RAI1: variants seen among roughly 807,000 people sequenced by gnomAD.
RAI1 encodes the protein retinoic acid-induced protein 1.
A neutral mutation model predicts 123.8 loss-of-function variants in RAI1; 9 were observed. The observed-to-expected ratio is 0.07, with a 90% CI of 0.04 to 0.13. The LOEUF is 0.13. Ranked by LOEUF, RAI1 falls within the 10% of genes least tolerant of loss-of-function variation. The pLI is 1.00. For synonymous variants in RAI1, 1,231 were observed against 1,127.3 expected (o/e 1.09, Z -1.84); for missense variants, 2,256 against 2,545.8 (o/e 0.89, Z 2.45).
intron 2 of RAI1, chr17:17,782,308 C>T (rs1261438151): frequency 6.6e-6 from 1 of 152,094 alleles, no homozygotes; most frequent in Non-Finnish European, 1.5e-5. Flanking sequence ...TAAAAATAAC[C>T]CTCTCCGGCT....
intron 2 of RAI1, among the ~76,000 whole-genome samples, chr17:17,762,387 G>A (rs942255045): frequency 2.0e-5 from 3 of 152,074 alleles, no homozygotes; most frequent in Admixed American, 6.5e-5. Context: ...TGGTTGGAGT[G>A]TGCATGGGAG....
At chr17:17,739,203 G>C (rs78756542) in intron 2 of RAI1, among the ~76,000 whole-genome samples, 1 of 152,268 alleles carries the variant, frequency 6.6e-6, no homozygotes, top group East Asian at 1.9e-4. Context: ...GGAGATAGGA[G>C]CCAAGCTCTG....
intron 2 of RAI1, among the ~76,000 whole-genome samples, chr17:17,744,424 CA>C (rs1200929041): frequency 6.6e-6 from 1 of 152,186 alleles, no homozygotes; most frequent in African/African-American, 2.4e-5. Context: ...GGCAGTTTGT[CA>C]GGGGCAGCCT....
intron 2 of RAI1, among the ~76,000 whole-genome samples, chr17:17,758,068 G>A (rs891405872): frequency 1.3e-5 from 2 of 152,176 alleles, no homozygotes; most frequent in Non-Finnish European, 2.9e-5. Context: ...GGCTTAGAAC[G>A]TAAGGCATCA....
At position 17,801,196 on chromosome 17, in the gene RAI1, T is replaced by C; in HGVS notation, c.5566-2560T>C. On this transcript the variant is annotated intron_variant, in intron 3 of 5. Transcript: ENST00000353383. This position sits in a 1 kb window ranked among gnomAD's most constrained non-coding sequence, Gnocchi z 4.1. Reference sequence around the variant, plus strand: ...GCCTGCCCTTCCCCCAAAGCCATCATAGACCCCTACCTCCTATCCAGATGG... The same window carrying C: ...GCCTGCCCTTCCCCCAAAGCCATCACAGACCCCTACCTCCTATCCAGATGG... 6.6e-6 allele frequency among the ~76,000 whole-genome samples: 1 copy of C among 152,160 alleles called. No homozygotes were observed.
rs549200619 is a variant in RAI1 at position 17,793,674 on chromosome 17, G to A, written c.726G>A (p.Pro242=). 14 of 1,613,056 alleles carry A rather than the reference G, an allele frequency of 8.7e-6. No homozygotes were observed. Among genetic ancestry groups the A allele is most frequent in the South Asian group, 3.3e-5 (3 of 91,080 alleles). The part of the protein sequence containing the change: ...GAHSYKSCTA[P]TAQPHDRPLT... ...ACTCCTATAAGAGTTGCACAGCACC[G>A]ACTGCCCAGCCCCATGACAGGCCGC... The change falls in exon 3 of 6, where the codon CCG becomes CCA. Residue 242 remains proline (P), a synonymous_variant. Coordinates refer to ENST00000353383, the MANE Select transcript of RAI1 (RefSeq NM_030665.4).
intron 3 of RAI1, 90 bp downstream of exon 3, chr17:17,798,603 C>A: frequency 9.7e-6 from 15 of 1,551,778 alleles, no homozygotes; most frequent in Non-Finnish European, 1.3e-5. Flanking sequence ...TCTAGTGCTA[C>A]AGTGTGGGCC....
At chr17:17,701,564 T>G (rs1189423313) in intron 1 of RAI1, among the ~76,000 whole-genome samples, 2 of 152,048 alleles carry the variant, frequency 1.3e-5, no homozygotes, top group African/African-American at 4.8e-5. Context: ...TTCCCTCCCC[T>G]CTCTCTTCCA....
chr17:17,711,142 G>A (rs1040615857), intron 1 of RAI1, among the ~76,000 whole-genome samples: 2 of 152,198 alleles, frequency 1.3e-5, no homozygotes, highest in African/African-American at 4.8e-5. Flanking sequence ...TGAGCCTTGG[G>A]GCCTGAGAGG....
chr17:17,715,745 C>CA (rs1476552705), intron 1 of RAI1, among the ~76,000 whole-genome samples: 2 of 152,168 alleles, frequency 1.3e-5, no homozygotes, highest in Non-Finnish European at 2.9e-5. Context: ...GCTTTCCATT[C>CA]AAAGTTTCCC....
At chr17:17,706,122 A>G (rs1450924743) in intron 1 of RAI1, among the ~76,000 whole-genome samples, 1 of 151,512 alleles carries the variant, frequency 6.6e-6, no homozygotes, top group African/African-American at 2.4e-5. Context: ...GCAGGGAGCT[A>G]TGGATCATTC....
chr17:17,786,786 C>T (rs2031841381), intron 2 of RAI1, among the ~76,000 whole-genome samples: 2 of 152,348 alleles, frequency 1.3e-5, no homozygotes, highest in South Asian at 4.1e-4. Context: ...CTTCCCTTAG[C>T]AGCCAGGCCA....
rs2032210953 is a variant in RAI1 at position 17,795,678 on chromosome 17, C to T, written c.2730C>T (p.Ser910=). ...AGGAGGTGGAGGAGGTGCTGGACTC[C>T]AAGGCCGGCTGGGGCTCTCCGTGCC... ...TKEEVEEVLD[S]KAGWGSPCHL... The change falls in exon 3 of 6, where the codon TCC becomes TCT. Residue 910 remains serine (S), a synonymous_variant. Coordinates refer to ENST00000353383, the MANE Select transcript of RAI1 (RefSeq NM_030665.4). This position sits in a 1 kb window ranked among gnomAD's most constrained non-coding sequence, Gnocchi z 5.9. 4.3e-6 allele frequency: 7 copies of T among 1,613,272 alleles called. No individual in the cohort carries two copies. The highest frequency in any genetic ancestry group is 5.9e-6 in the Non-Finnish European group (7 of 1,180,002).
chr17:17,763,947 G>A (rs1008678733), intron 2 of RAI1, among the ~76,000 whole-genome samples: 16 of 152,262 alleles, frequency 1.1e-4, no homozygotes, highest in Admixed American at 2.6e-4. Context: ...GGCTATTTTC[G>A]TGGCACAGAG....
At chr17:17,803,339 C>G (rs1567935868) in intron 3 of RAI1, among the ~76,000 whole-genome samples, 1 of 152,134 alleles carries the variant, frequency 6.6e-6, no homozygotes, top group African/African-American at 2.4e-5. Context: ...AGAAGGGAGG[C>G]AGGGACCACA....
intron 1 of RAI1, among the ~76,000 whole-genome samples, chr17:17,697,765 TTG>T (rs931093909): frequency 6.6e-6 from 1 of 152,086 alleles, no homozygotes; most frequent in East Asian, 1.9e-4. Context: ...CAACGTGTGG[TTG>T]TGTGTGTGTC....
chr17:17,798,497 AGGT>A lies in RAI1; in HGVS notation c.5552_5554del (p.Val1851del). On this transcript the variant is annotated inframe_deletion, in exon 3 of 6. Transcript: ENST00000353383. ...CTCTTTGGGCTGCAGGAGGCCATGA[AGGT>A]GGCCGTGGACATGGTAAGAGGCCAG... 1 of 1,601,680 alleles carries A rather than the reference AGGT, an allele frequency of 6.2e-7. No homozygotes were observed. Among genetic ancestry groups the A allele is most frequent in the Non-Finnish European group, 8.5e-7 (1 of 1,179,862 alleles).
intron 1 of RAI1, among the ~76,000 whole-genome samples, chr17:17,694,814 T>TCGCGGGGC (rs944296472): frequency 1.1e-4 from 16 of 150,628 alleles, no homozygotes; most frequent in Non-Finnish European, 2.4e-4. Context: ...CCGGCATGCT[T>TCGCGGGGC]CGCGGGGCCG....
At chr17:17,734,578 G>A (rs1319559494) in intron 2 of RAI1, among the ~76,000 whole-genome samples, 1 of 152,214 alleles carries the variant, frequency 6.6e-6, no homozygotes, top group Non-Finnish European at 1.5e-5. Flanking sequence ...CTGGGAATGG[G>A]GGTCATGGAG....
Sources: allele counts gnomAD v4.1 joint callset (sites outside exome capture counted in the v4.1 genomes callset), GRCh38; gene constraint gnomAD v4.1.1; non-coding constraint Gnocchi (gnomAD v3.1); transcripts MANE v1.5; gene names NCBI Gene and HGNC (gene_info 2026-07-23, HGNC 2026-07-21).